Variants in NFRKB observed in about 807,000 individuals in gnomAD.
NFRKB encodes the protein nuclear factor related to kappaB binding protein, also known as nuclear factor related to kappa-B-binding protein.
NFRKB carries 62 observed loss-of-function variants against 135.7 expected under a neutral mutation model. The ratio of observed to expected loss-of-function variants is 0.46; its 90% CI spans 0.37 to 0.56. NFRKB has a LOEUF of 0.56. Among genes scored for constraint, NFRKB ranks in the 20% least tolerant of loss-of-function variants. The probability of loss-of-function intolerance (pLI) is 0.00; values close to 1 mark genes in which losing one functional copy is unlikely to be tolerated. For missense variants in NFRKB, 1,545 were observed against 1,662.0 expected (o/e 0.93, Z 1.22); for synonymous variants, 678 against 635.6 (o/e 1.07, Z -1.00).
At chr11:129,886,657 A>G (rs1949293700) in intron 4 of NFRKB, among the ~76,000 whole-genome samples, 1 of 152,226 alleles carries the variant, frequency 6.6e-6, no homozygotes, top group Admixed American at 6.5e-5. Context: ...CATCACAGCC[A>G]CAGTAATGCA....
At chr11:129,882,230 C>T in intron 10 of NFRKB, 36 bp from the exon 11 acceptor site, 1 of 1,553,892 alleles carries the variant, frequency 6.4e-7, no homozygotes, top group South Asian at 1.2e-5. Context: ...ACCAAAAAGA[C>T]CAAGAACACA....
At chr11:129,868,259 A>G (rs1948306108) in intron 24 of NFRKB, among the ~76,000 whole-genome samples, 1 of 152,236 alleles carries the variant, frequency 6.6e-6, no homozygotes, top group Non-Finnish European at 1.5e-5. Context: ...CACCTCAAAC[A>G]ATATGAAAAT....
At position 129,873,068 on chromosome 11, in the gene NFRKB, G is replaced by A. The variant is rs1397388502; in HGVS notation, c.2579C>T (p.Ala860Val). Residue 860 changes from alanine to valine, a missense_variant, in exon 23 of 27, where the codon GCG becomes GTG. Ala to Val is a moderately conservative substitution (Grantham distance 64). Transcript: ENST00000682444. ...CTGCACAGTGGCTGCCGTAGTCTGC[G>A]CTTTGACGGGCACAGTGGCCATTAC... ...QTVMATVPVKAQTTAATVQRP... is the reference protein window; with the variant it reads ...QTVMATVPVKVQTTAATVQRP... The A allele has an allele frequency of 6.2e-6, 10 of 1,611,530 alleles. No individual in the cohort carries two copies. Among genetic ancestry groups the A allele is most frequent in the African/African-American group, 1.3e-5 (1 of 74,868 alleles).
At chr11:129,893,297 A>C (rs1949638615) in intron 2 of NFRKB, 1 of 461,268 alleles carries the variant, frequency 2.2e-6, no homozygotes, top group Non-Finnish European at 4.3e-6. Flanking sequence ...TCACACCTAC[A>C]ATCTCAGTAC....
In NFRKB at chr11:129,882,499, G is replaced by A. The variant is rs116056970; in HGVS notation, c.1034C>T (p.Pro345Leu). The A allele has an allele frequency of 4.3e-6, 7 of 1,613,870 alleles. No individual in the cohort carries two copies. The African/African-American group carries it at 8.0e-5, about 18-fold the overall frequency. ...CAGCGGAGAGGGGGCCTGTGAGAGA[G>A]GTGCGACCCCTTCAGTACTGCTTAG... is the stretch of plus-strand genomic sequence containing the variant. ...EPLSSTEGVA[P>L]LSQAPSPLAI... Residue 345 changes from proline to leucine, a missense_variant, in exon 10 of 27, where the codon CCT (proline) becomes CTT (leucine). Transcript: ENST00000682444.
At chr11:129,882,737 G>A (rs1949089709) in intron 9 of NFRKB, 106 bp from the exon 10 acceptor site, 9 of 1,192,228 alleles carry the variant, frequency 7.5e-6, no homozygotes, top group South Asian at 5.9e-5. Context: ...AGACAGAAAA[G>A]TCTCAGTAAT....
intron 16 of NFRKB, among the ~76,000 whole-genome samples, chr11:129,877,115 T>C (rs988123870): frequency 6.6e-6 from 1 of 152,090 alleles, no homozygotes; most frequent in African/African-American, 2.4e-5. Context: ...TGAAGGCACT[T>C]TGCTACCTGG....
At chr11:129,865,622 A>AT (rs1369287673) in intron 25 of NFRKB, among the ~76,000 whole-genome samples, 1 of 152,144 alleles carries the variant, frequency 6.6e-6, no homozygotes, top group Non-Finnish European at 1.5e-5. Flanking sequence ...ATCACCACGC[A>AT]TGTTGCTTTT....
intron 17 of NFRKB, among the ~76,000 whole-genome samples, chr11:129,875,972 G>C (rs1565402642): frequency 6.6e-6 from 1 of 152,130 alleles, no homozygotes; most frequent in Non-Finnish European, 1.5e-5. Context: ...ACACTTTTAA[G>C]AGTCACTTTT....
intron 23 of NFRKB, 38 bp downstream of exon 23, chr11:129,872,846 T>A (rs1337189932): frequency 6.5e-7 from 1 of 1,549,966 alleles, no homozygotes; most frequent in Admixed American, 1.8e-5. Flanking sequence ...TGCTCCAGGA[T>A]GAAGGATTGA....
chr11:129,868,570 G>A (rs541664551), intron 24 of NFRKB, among the ~76,000 whole-genome samples: 7 of 152,244 alleles, frequency 4.6e-5, no homozygotes, highest in Admixed American at 3.3e-4. Flanking sequence ...AGCACTCTCC[G>A]CTTCAGAAAC....
chr11:129,873,855 G>A lies in NFRKB; in HGVS notation c.2440C>T (p.Pro814Ser). The stretch of plus-strand genomic sequence containing the variant: ...CCTCCCGACTGCTGGGGAACAGCAG[G>A]AAGGCTAGGCTGGGCCACCACTCGC... ...QVRVVAQPSL[P>S]AVPQQSGGPA... The change falls in exon 22 of 27, where the codon CCT becomes TCT. Residue 814 changes from proline to serine, a missense_variant. Physicochemically the swap from Pro to Ser is moderately conservative, Grantham distance 74. Transcript: ENST00000682444. 2 of 1,614,160 alleles carry A rather than the reference G, an allele frequency of 1.2e-6. No individual in the cohort carries two copies. Among genetic ancestry groups the A allele is most frequent in the Middle Eastern group, 1.6e-4 (1 of 6,062 alleles).
At chr11:129,882,330 C>T in intron 10 of NFRKB, 121 bp downstream of exon 10, 1 of 1,365,702 alleles carries the variant, frequency 7.3e-7, no homozygotes, top group Non-Finnish European at 1.0e-6. Context: ...AGCAGTATCC[C>T]TGGGACTTCA....
chr11:129,881,472 T>C lies in NFRKB; in HGVS notation c.1355A>G (p.Lys452Arg). ...CAACTTCCACTGCTGGGTTTTCTCTTTGAATTCAACAAATGGAGAGAAACT... is the reference window on the plus strand; with the variant it reads ...CAACTTCCACTGCTGGGTTTTCTCTCTGAATTCAACAAATGGAGAGAAACT... ...PSSFSPFVEF[K>R]EKTQQWKLLG... The change falls in exon 13 of 27, where the codon AAA (lysine) becomes AGA (arginine). Residue 452 changes from lysine to arginine, a missense_variant. Physicochemically the swap from Lys to Arg is conservative, Grantham distance 26. Around this residue, in one of 3 missense-constraint regions of NFRKB, gnomAD observed 678 missense variants for 646.7 expected, o/e 1.05. Transcript: ENST00000682444. 2 of 1,614,136 alleles carry C rather than the reference T, an allele frequency of 1.2e-6. No homozygotes were observed. The highest frequency in any genetic ancestry group is 4.5e-5 in the East Asian group (2 of 44,882).
In NFRKB at chr11:129,876,863, C is replaced by T. The variant is rs138183118; in HGVS notation, c.1605G>A (p.Ala535=). The change falls in exon 17 of 27, where the codon GCG becomes GCA. Residue 535 remains alanine (A), a synonymous_variant. Coordinates refer to ENST00000682444, the MANE Select transcript of NFRKB (RefSeq NM_001143835.2). ...ERYRYSQPHK[A]FTFRMHGFES... ...CAAAGCCGTGCATGCGAAAGGTGAA[C>T]GCCTTATGGGGTTGGCTATACCTGT... 228 of 1,614,098 alleles carry T rather than the reference C, an allele frequency of 1.4e-4. 2 individuals carry two copies. In the African/African-American group the frequency reaches 2.5e-3, roughly 18 times the overall value.
At chr11:129,881,390 G>A (rs201188419) in intron 13 of NFRKB, 53 bp downstream of exon 13, 1 of 1,562,112 alleles carries the variant, frequency 6.4e-7, no homozygotes, top group Non-Finnish European at 8.8e-7. Flanking sequence ...TAAACTTAGG[G>A]GAAGAAATGG....
chr11:129,894,702 T>A (rs185236230), intron 1 of NFRKB, among the ~76,000 whole-genome samples: 4 of 152,326 alleles, frequency 2.6e-5, no homozygotes, highest in African/African-American at 9.6e-5. Context: ...CATGGTGAAA[T>A]GACATCCTCA....
At chr11:129,890,973 T>C (rs182505190) in intron 3 of NFRKB, among the ~76,000 whole-genome samples, 2 of 152,382 alleles carry the variant, frequency 1.3e-5, no homozygotes, top group East Asian at 1.9e-4. Flanking sequence ...CTTATTGACA[T>C]AACTGAACAT....
At chr11:129,883,066 C>T in intron 9 of NFRKB, 56 bp downstream of exon 9, 3 of 1,523,382 alleles carry the variant, frequency 2.0e-6, no homozygotes, top group South Asian at 2.3e-5. Context: ...GTTATGGGCT[C>T]ACGCAACTTA....
Sources: allele counts gnomAD v4.1 joint callset (sites outside exome capture counted in the v4.1 genomes callset), GRCh38; gene constraint gnomAD v4.1.1; regional missense constraint gnomAD v4.1.1; transcripts MANE v1.5; gene names NCBI Gene and HGNC (gene_info 2026-07-23, HGNC 2026-07-21).